Variants in MGAT4C observed in about 807,000 individuals in gnomAD.
MGAT4C encodes alpha-1,3-mannosyl-glycoprotein 4-beta-N-acetylglucosaminyltransferase C.
In MGAT4C, 19 loss-of-function variants were observed where a neutral mutation model predicts 40.1. The observed-to-expected ratio is 0.47, with a 90% CI of 0.33 to 0.70. The LOEUF (loss-of-function observed/expected upper bound fraction) is 0.70, where lower values mean the gene tolerates loss of function less well. MGAT4C is among the 30% of genes least tolerant of loss of function. The probability of loss-of-function intolerance (pLI) is 0.02; values close to 1 mark genes in which losing one functional copy is unlikely to be tolerated. For missense variants in MGAT4C, 491 were observed against 563.2 expected (o/e 0.87, Z 1.30); for synonymous variants, 181 against 187.1 (o/e 0.97, Z 0.27).
At chr12:86,404,059 A>C (rs1956418799) in intron 3 of MGAT4C, among the ~76,000 whole-genome samples, 1 of 152,114 alleles carries the variant, frequency 6.6e-6, no homozygotes, top group Non-Finnish European at 1.5e-5. Context: ...GGTGTTCACC[A>C]GTAGTCATAG....
In MGAT4C at chr12:86,273,743, A is replaced by T. The variant is rs181833254; in HGVS notation, c.-57+60322T>A. Among the ~76,000 whole-genome samples, 403 of 152,278 alleles carry T rather than the reference A, an allele frequency of 2.6e-3. 1 individual carries two copies. Among genetic ancestry groups the T allele is most frequent in the African/African-American group, 9.4e-3 (391 of 41,560 alleles). On this transcript the variant is annotated intron_variant, in intron 4 of 7. Coordinates refer to the MGAT4C transcript ENST00000548651. ...ACTTAAGAGATTTGCCAGTGTATAC[A>T]CTGCATACGATAACAGAGTGAATAT...
chr12:86,219,521 T>TTTTCTGTTTGTATGGAAGA (rs1950801615), intron 1 of MGAT4C, among the ~76,000 whole-genome samples: 1 of 152,292 alleles, frequency 6.6e-6, no homozygotes, highest in South Asian at 2.1e-4. Context: ...TCAATGCATG[T>TTTTCTGTTTGTATGGAAGA]TTTCTGTTTG....
intron 1 of MGAT4C, among the ~76,000 whole-genome samples, chr12:86,223,668 C>T (rs546001715): frequency 6.6e-6 from 1 of 152,142 alleles, no homozygotes; most frequent in Non-Finnish European, 1.5e-5. Context: ...AAGACTGTGG[C>T]CTAGTCCTGT....
chr12:86,783,416 CAGG>C (rs1440764231), intron 1 of MGAT4C, among the ~76,000 whole-genome samples: 4 of 151,842 alleles, frequency 2.6e-5, no homozygotes. Flanking sequence ...AAGATCAGAA[CAGG>C]AGGACAGAAA....
At chr12:86,052,460 T>A (rs1269904609) in intron 1 of MGAT4C, among the ~76,000 whole-genome samples, 1 of 152,010 alleles carries the variant, frequency 6.6e-6, no homozygotes, top group Non-Finnish European at 1.5e-5. Context: ...ATTATTTCAA[T>A]CATATAAATG....
intron 1 of MGAT4C, among the ~76,000 whole-genome samples, chr12:86,729,343 C>G (rs946426277): frequency 6.6e-6 from 1 of 151,818 alleles, no homozygotes; most frequent in Non-Finnish European, 1.5e-5. Context: ...TATACACCTA[C>G]TATGTATCCA....
At chr12:86,113,963 T>C (rs1877906083) in intron 1 of MGAT4C, among the ~76,000 whole-genome samples, 1 of 151,792 alleles carries the variant, frequency 6.6e-6, no homozygotes, top group Admixed American at 6.6e-5. Flanking sequence ...ACAATAGAAA[T>C]CTTAGCAGTC....
chr12:86,727,619 C>T (rs1185998126), intron 1 of MGAT4C, among the ~76,000 whole-genome samples: 1 of 151,702 alleles, frequency 6.6e-6, no homozygotes, highest in East Asian at 1.9e-4. Context: ...CTTAATGATA[C>T]AAAAATTTTA....
chr12:86,458,232 C>G (rs185638839), intron 2 of MGAT4C, among the ~76,000 whole-genome samples: 3 of 152,110 alleles, frequency 2.0e-5, no homozygotes, highest in Admixed American at 6.5e-5. Flanking sequence ...CTAAGCCATG[C>G]CTGATTTTTA....
intron 2 of MGAT4C, among the ~76,000 whole-genome samples, chr12:86,623,295 C>T (rs1302359367): frequency 6.6e-6 from 1 of 152,088 alleles, no homozygotes; most frequent in Non-Finnish European, 1.5e-5. Flanking sequence ...TATGCAATGT[C>T]TTTGTTTAGG....
intron 2 of MGAT4C, among the ~76,000 whole-genome samples, chr12:86,632,347 G>A (rs1488974326): frequency 6.6e-6 from 1 of 152,166 alleles, no homozygotes; most frequent in Non-Finnish European, 1.5e-5. Flanking sequence ...AGACAGTGTG[G>A]CGATTCCTCA....
At chr12:86,791,587 AAATTCT>A (rs1952023076) in intron 1 of MGAT4C, among the ~76,000 whole-genome samples, 1 of 152,076 alleles carries the variant, frequency 6.6e-6, no homozygotes, top group Non-Finnish European at 1.5e-5. Context: ...TTTGACACAC[AAATTCT>A]AATTTCACAT....
chr12:86,383,997 C>T (rs185853997), intron 3 of MGAT4C, among the ~76,000 whole-genome samples: 26 of 152,162 alleles, frequency 1.7e-4, no homozygotes, highest in African/African-American at 6.0e-4. Flanking sequence ...AGGTCTTTCC[C>T]ATGCTGTTCT....
intron 3 of MGAT4C, among the ~76,000 whole-genome samples, chr12:86,365,488 A>G (rs558136391): frequency 6.6e-6 from 1 of 152,316 alleles, no homozygotes; most frequent in South Asian, 2.1e-4. Flanking sequence ...TGATTGGGGA[A>G]GTGATAAGTG....
chr12:86,319,985 C>A (rs1011215114), intron 4 of MGAT4C, among the ~76,000 whole-genome samples: 1 of 151,996 alleles, frequency 6.6e-6, no homozygotes, highest in African/African-American at 2.4e-5. Flanking sequence ...TTACAGAGAA[C>A]CAGTTCCGTG....
rs61949048 is a variant in MGAT4C at position 86,256,276 on chromosome 12, C to G, written c.-94G>C. The G allele has an allele frequency of 0.079, 12,073 of 152,204 alleles. 681 individuals are homozygous for G. Among genetic ancestry groups the G allele is most frequent in the Middle Eastern group, 0.21 (61 of 292 alleles). The allele number at this position is 152,204 out of a possible 1,614,324, so 9.4% of individuals were successfully genotyped here. On this transcript the variant is annotated 5_prime_UTR_variant, in exon 1 of 5. Coordinates refer to ENST00000611864, the MANE Select transcript of MGAT4C (RefSeq NM_001351288.2). ...AAACAATTCGTTCAGCTAGATCCAA[C>G]AGTGCTCTGTGCAGCCTGGAAGCAT...
chr12:86,256,407 T>C (rs938625134), upstream of MGAT4C: 2 of 152,154 alleles, frequency 1.3e-5, no homozygotes, highest in African/African-American at 4.8e-5. Context: ...CTACCTCAGC[T>C]GTTCTATGTA....
intron 1 of MGAT4C, among the ~76,000 whole-genome samples, chr12:86,173,056 T>G (rs878992806): frequency 2.0e-5 from 3 of 152,140 alleles, no homozygotes; most frequent in African/African-American, 4.8e-5. Context: ...AAAATCTACA[T>G]TAATGCAAGC....
chr12:86,100,850 G>T (rs1387548553), intron 1 of MGAT4C, among the ~76,000 whole-genome samples: 1 of 151,468 alleles, frequency 6.6e-6, no homozygotes, highest in Non-Finnish European at 1.5e-5. Context: ...GTAATTGAAT[G>T]TTATTAGAGA....
Sources: gnomAD v4.1 joint callset for allele counts (sites outside exome capture counted in the v4.1 genomes callset) on GRCh38, gnomAD v4.1.1 for gene constraint, MANE v1.5 for transcripts, NCBI Gene and HGNC (gene_info 2026-07-23, HGNC 2026-07-21) for gene names.